PARP15: variants seen among roughly 807,000 people sequenced by gnomAD.
PARP15 encodes poly(ADP-ribose) polymerase family member 15.
In PARP15, 50 loss-of-function variants were observed where a neutral mutation model predicts 62.1. The ratio of observed to expected loss-of-function variants is 0.81; its 90% CI spans 0.64 to 1.02. The LOEUF is 1.02. Ranked by LOEUF, PARP15 falls within the 50% of genes least tolerant of loss-of-function variation. PARP15 has a pLI of 0.00. For missense variants in PARP15, 820 were observed against 826.5 expected (o/e 0.99, Z 0.10); for synonymous variants, 309 against 293.1 (o/e 1.05, Z -0.55).
chr3:122,620,879 A>T (rs1196619698), intron 7 of PARP15, among the ~76,000 whole-genome samples: 1 of 152,242 alleles, frequency 6.6e-6, no homozygotes, highest in African/African-American at 2.4e-5. Flanking sequence ...CCAAAGAAGC[A>T]GTGCCTTAAA....
chr3:122,613,559 G>A (rs1935726646), intron 4 of PARP15, among the ~76,000 whole-genome samples: 1 of 152,198 alleles, frequency 6.6e-6, no homozygotes, highest in African/African-American at 2.4e-5. Context: ...TGAAAGCTAA[G>A]TCATGGCTTT....
At chr3:122,578,182 G>A (rs2080725140) in intron 1 of PARP15, among the ~76,000 whole-genome samples, 1 of 151,842 alleles carries the variant, frequency 6.6e-6, no homozygotes, top group African/African-American at 2.4e-5. Context: ...TTGCTTATGG[G>A]GGGCTTTTGT....
intron 1 of PARP15, among the ~76,000 whole-genome samples, chr3:122,599,094 A>G (rs1934585741): frequency 6.6e-6 from 1 of 152,028 alleles, no homozygotes; most frequent in South Asian, 2.1e-4. Flanking sequence ...ACAGGGTTTC[A>G]CCACTTTGGG....
Position 122,621,865 on chromosome 3 carries a change from C to G in PARP15, c.1231+254C>G, listed in dbSNP as rs1242951182. On this transcript the variant is annotated intron_variant, in intron 8 of 11. Transcript: ENST00000464300. ...CCAGGCTGGAGTGCAGTGGTGTAAT[C>G]TCAGCTCACTGCAACCTCCTCCTCC... Among the ~76,000 whole-genome samples the G allele has an allele frequency of 2.0e-5, 3 of 152,172 alleles. No individual in the cohort carries two copies. In the East Asian group the frequency reaches 5.8e-4, roughly 29 times the overall value.
At chr3:122,630,007 T>C (rs1357184872) in intron 9 of PARP15, among the ~76,000 whole-genome samples, 2 of 152,228 alleles carry the variant, frequency 1.3e-5, no homozygotes, top group East Asian at 3.8e-4. Flanking sequence ...TAACAGGTTG[T>C]AGACCAGTGC....
intron 1 of PARP15, among the ~76,000 whole-genome samples, chr3:122,579,935 C>T (rs948278068): frequency 3.4e-5 from 5 of 147,966 alleles, no homozygotes; most frequent in Non-Finnish European, 6.0e-5. Context: ...GCTGAGATTG[C>T]GCCACTGCAC....
intron 1 of PARP15, among the ~76,000 whole-genome samples, chr3:122,597,206 T>C (rs1180401019): frequency 1.3e-5 from 2 of 152,146 alleles, no homozygotes; most frequent in Non-Finnish European, 2.9e-5. Flanking sequence ...TTTAAAATAA[T>C]GGCACTAATC....
chr3:122,626,034 C>G (rs1936703349), intron 8 of PARP15, among the ~76,000 whole-genome samples: 1 of 152,044 alleles, frequency 6.6e-6, no homozygotes, highest in Admixed American at 6.6e-5. Context: ...TGGATTTGGG[C>G]TTGTTTTAGG....
At position 122,600,395 on chromosome 3, in the gene PARP15, C is replaced by T. The variant is rs555708603; in HGVS notation, c.187-5541C>T. ...TAGGGCAGTTCTAATTATTTTAAAACGTAGCTTTATGTTAAGCCCAAATAT... is the reference window on the plus strand; with the variant it reads ...TAGGGCAGTTCTAATTATTTTAAAATGTAGCTTTATGTTAAGCCCAAATAT... On this transcript the variant is annotated intron_variant, in intron 1 of 11. Transcript: ENST00000464300. 4.6e-5 allele frequency among the ~76,000 whole-genome samples: 7 copies of T among 152,136 alleles called. No homozygotes were observed. The South Asian group carries it at 6.2e-4, about 14-fold the overall frequency.
At chr3:122,621,244 A>G (rs1222922450) in intron 7 of PARP15, 200 bp from the exon 8 acceptor site, 1 of 558,406 alleles carries the variant, frequency 1.8e-6, no homozygotes, top group Admixed American at 3.3e-5. Context: ...CAAATACTCA[A>G]CAGTGTATTT....
At chr3:122,609,155 T>C (rs1461791059) in intron 2 of PARP15, among the ~76,000 whole-genome samples, 3 of 152,172 alleles carry the variant, frequency 2.0e-5, no homozygotes, top group African/African-American at 7.2e-5. Flanking sequence ...GGGCTAGATC[T>C]AATTTTGTTT....
In PARP15 at chr3:122,635,973, C is replaced by T; in HGVS notation, c.1910C>T (p.Pro637Leu). Residue 637 changes from proline (P) to leucine (L), a missense_variant, in exon 12 of 12, where the codon CCC becomes CTC. Pro to Leu is a moderately conservative substitution (Grantham distance 98). This residue lies in a region of PARP15 where 84 missense variants were observed against 79.7 expected (regional missense o/e 1.05). Transcript: ENST00000464300. ...KGRAGLVTPP[P>L]KNPHNPTDLF... is the part of the protein sequence containing the mutation. ...CGTGCAGGATTAGTCACCCCTCCAC[C>T]CAAGAATCCTCACAATCCCACAGAT... The T allele has an allele frequency of 6.2e-7, 1 of 1,614,114 alleles. No homozygotes were observed. The highest frequency in any genetic ancestry group is 8.5e-7 in the Non-Finnish European group (1 of 1,180,010).
intron 1 of PARP15, among the ~76,000 whole-genome samples, chr3:122,596,704 C>T (rs1253898039): frequency 6.6e-6 from 1 of 152,016 alleles, no homozygotes; most frequent in Non-Finnish European, 1.5e-5. Flanking sequence ...ATAGCTTATA[C>T]TTATACTTTG....
Position 122,635,889 on chromosome 3 carries a change from G to A in PARP15, c.1826G>A (p.Ser609Asn), listed in dbSNP as rs1263223047. The part of the protein sequence containing the change: ...SAKDTYSKPD[S>N]NGRKHMYVVR... ...AAGGACACCTACTCCAAGCCAGACAGCAATGGGAGAAAGCACATGTACGTT... is the reference window on the plus strand; with the variant it reads ...AAGGACACCTACTCCAAGCCAGACAACAATGGGAGAAAGCACATGTACGTT... Residue 609 changes from serine (S) to asparagine (N), a missense_variant, in exon 12 of 12, where the codon AGC (serine) becomes AAC (asparagine). Ser to Asn is a conservative substitution (Grantham distance 46). Transcript: ENST00000464300. 1 of 1,614,094 alleles carries A rather than the reference G, an allele frequency of 6.2e-7. No individual in the cohort carries two copies. Among genetic ancestry groups the A allele is most frequent in the Admixed American group, 1.7e-5 (1 of 60,012 alleles).
At position 122,635,860 on chromosome 3, in the gene PARP15, T is replaced by C; in HGVS notation, c.1797T>C (p.Ser599=). The change falls in exon 12 of 12, where the codon TCT becomes TCC. Residue 599 remains serine, a synonymous_variant. Transcript: ENST00000464300. Reference sequence around the variant, plus strand: ...ATTTTGCTGTGGATGCCAGTTATTCTGCCAAGGACACCTACTCCAAGCCAG... The same window carrying C: ...ATTTTGCTGTGGATGCCAGTTATTCCGCCAAGGACACCTACTCCAAGCCAG... The part of the protein sequence containing the change: ...GTYFAVDASY[S]AKDTYSKPDS... The C allele has an allele frequency of 6.2e-7, 1 of 1,614,134 alleles. No individual in the cohort carries two copies. The highest frequency in any genetic ancestry group is 8.5e-7 in the Non-Finnish European group (1 of 1,179,970).
chr3:122,587,155 C>G lies in PARP15; in HGVS notation c.186+9302C>G, dbSNP rs77183919. 1.4e-3 allele frequency among the ~76,000 whole-genome samples: 206 copies of G among 152,254 alleles called. 2 individuals are homozygous for G. Among genetic ancestry groups the G allele is most frequent in the East Asian group, 0.013 (69 of 5,186 alleles). ...TTTCTTTTTAGCACTAAATGATAGT[C>G]CCTTGTTTGAATGTACTGTAGATTA... is the stretch of plus-strand genomic sequence containing the variant. On this transcript the variant is annotated intron_variant, in intron 1 of 11. Coordinates refer to ENST00000464300, the MANE Select transcript of PARP15 (RefSeq NM_001113523.3).
At chr3:122,628,111 G>A (rs1936847314) in intron 9 of PARP15, among the ~76,000 whole-genome samples, 1 of 152,184 alleles carries the variant, frequency 6.6e-6, no homozygotes, top group South Asian at 2.1e-4. Flanking sequence ...GTGAAAGCTG[G>A]CTGCTAGCAG....
chr3:122,583,570 G>A lies in PARP15; in HGVS notation c.186+5717G>A, dbSNP rs565989442. On this transcript the variant is annotated intron_variant, in intron 1 of 11. Coordinates refer to ENST00000464300, the MANE Select transcript of PARP15 (RefSeq NM_001113523.3). ...ACCTTGTTGAGTCCTGAATATTTTT[G>A]CACTTTAACAAATATTCTTGAGATT... Among the ~76,000 whole-genome samples the A allele has an allele frequency of 1.3e-4, 20 of 152,046 alleles. No individual in the cohort carries two copies. In the South Asian group the frequency reaches 2.7e-3, roughly 21 times the overall value.
chr3:122,606,096 G>A, intron 2 of PARP15, 41 bp downstream of exon 2: 2 of 1,533,166 alleles, frequency 1.3e-6, no homozygotes, highest in Non-Finnish European at 1.8e-6. Flanking sequence ...GGAACAGTGG[G>A]ATCTATTTAA....
Sources: gnomAD v4.1 joint callset for allele counts (sites outside exome capture counted in the v4.1 genomes callset) on GRCh38, gnomAD v4.1.1 for gene constraint, gnomAD v4.1.1 regional missense constraint, MANE v1.5 for transcripts, NCBI Gene and HGNC (gene_info 2026-07-23, HGNC 2026-07-21) for gene names.